Variants in SLC7A11 observed in about 807,000 individuals in gnomAD.
The protein encoded by SLC7A11 is solute carrier family 7 member 11.
In SLC7A11, 35 loss-of-function variants were observed where a neutral mutation model predicts 54.5. The ratio of observed to expected loss-of-function variants is 0.64; its 90% CI spans 0.49 to 0.85. SLC7A11 has a LOEUF of 0.85. SLC7A11 is among the 40% of genes least tolerant of loss of function. The pLI, the probability that SLC7A11 is intolerant of heterozygous loss-of-function variation, is 0.00. For missense variants in SLC7A11, 583 were observed against 618.1 expected (o/e 0.94, Z 0.60); for synonymous variants, 230 against 225.2 (o/e 1.02, Z -0.19).
At position 138,164,118 on chromosome 4, in the gene SLC7A11, T is replaced by C. The variant is rs1385650944; in HGVS notation, c.*7838A>G. Reference sequence around the variant, plus strand: ...TTTATTATGTAAACTATCAAATGTTTATTTAAATTTCCATTTAAAATATTT... The same window carrying C: ...TTTATTATGTAAACTATCAAATGTTCATTTAAATTTCCATTTAAAATATTT... On this transcript the variant is annotated 3_prime_UTR_variant, in exon 12 of 12. Coordinates refer to ENST00000280612, the MANE Select transcript of SLC7A11 (RefSeq NM_014331.4). 2.0e-5 allele frequency: 3 copies of C among 152,614 alleles called. No individual in the cohort carries two copies. In the East Asian group the frequency reaches 5.8e-4, roughly 29 times the overall value. 9.5% of individuals were successfully genotyped at this position (152,614 alleles called of 1,614,324 possible).
intron 5 of SLC7A11, among the ~76,000 whole-genome samples, chr4:138,215,229 T>C (rs1490266063): frequency 6.6e-6 from 1 of 152,088 alleles, no homozygotes; most frequent in African/African-American, 2.4e-5. Context: ...GCTTAGAAAA[T>C]TTTTGTGAAA....
intron 11 of SLC7A11, 78 bp from the exon 12 acceptor site, chr4:138,172,095 G>T: frequency 7.0e-7 from 1 of 1,432,198 alleles, no homozygotes; most frequent in South Asian, 1.4e-5. Context: ...GAATTATTTT[G>T]GGTTGAATAC....
At chr4:138,177,428 TCTCTCTCTCTCC>T (rs1163944234) in intron 11 of SLC7A11, 1 of 151,554 alleles carries the variant, frequency 6.6e-6, no homozygotes, top group African/African-American at 2.4e-5. Context: ...TCTCTCTCTG[TCTCTCTCTCTCC>T]CTCTCTCTCT....
chr4:138,205,176 G>T (rs1560728768), intron 6 of SLC7A11, among the ~76,000 whole-genome samples: 1 of 151,862 alleles, frequency 6.6e-6, no homozygotes, highest in Non-Finnish European at 1.5e-5. Flanking sequence ...GTCTCTCCAA[G>T]GTCAAACAGC....
intron 6 of SLC7A11, among the ~76,000 whole-genome samples, chr4:138,195,999 G>C (rs964684948): frequency 2.0e-5 from 3 of 151,806 alleles, no homozygotes; most frequent in East Asian, 1.9e-4. Context: ...CTTAAAGAAG[G>C]CTTAAAAAAA....
chr4:138,235,074 C>CAAA (rs1738173554), intron 2 of SLC7A11, among the ~76,000 whole-genome samples: 1 of 151,940 alleles, frequency 6.6e-6, no homozygotes, highest in African/African-American at 2.4e-5. Flanking sequence ...ATATAGACAC[C>CAAA]TAAAATATTA....
intron 6 of SLC7A11, among the ~76,000 whole-genome samples, chr4:138,197,996 G>T (rs1312382490): frequency 2.0e-5 from 3 of 150,214 alleles, no homozygotes; most frequent in African/African-American, 7.3e-5. Flanking sequence ...TATAATGTAA[G>T]TATCATAAAC....
At chr4:138,192,656 A>T (rs953978538) in intron 6 of SLC7A11, among the ~76,000 whole-genome samples, 1 of 152,116 alleles carries the variant, frequency 6.6e-6, no homozygotes, top group Non-Finnish European at 1.5e-5. Context: ...TGTATAGTAT[A>T]TTATTTATGA....
At position 138,170,233 on chromosome 4, in the gene SLC7A11, AGTGTGT is replaced by A. The variant is rs1285231800; in HGVS notation, c.*1717_*1722del. On this transcript the variant is annotated 3_prime_UTR_variant, in exon 12 of 12. Transcript: ENST00000280612. ...TATATATATATATATATATATAAAAAGTGTGTGTGTGTGTGTGTATATATATATATA... is the reference window on the plus strand; with the variant it reads ...TATATATATATATATATATATAAAAAGTGTGTGTGTGTATATATATATATA... 66 of 98,638 alleles carry A rather than the reference AGTGTGT, an allele frequency of 6.7e-4. 1 individual carries two copies. Among genetic ancestry groups the A allele is most frequent in the African/African-American group, 2.4e-3 (64 of 26,544 alleles). 6.1% of individuals were successfully genotyped at this position (98,638 alleles called of 1,614,324 possible).
chr4:138,207,080 A>G (rs1737428471), intron 6 of SLC7A11, among the ~76,000 whole-genome samples: 1 of 150,442 alleles, frequency 6.6e-6, no homozygotes, highest in Admixed American at 6.7e-5. Flanking sequence ...GTCACATTTT[A>G]AGATAATTCT....
rs1248972727 is a variant in SLC7A11 at position 138,168,585 on chromosome 4, A to G, written c.*3371T>C. ...CCCTCTATTGATATGTCAAATTGTA[A>G]TTGGGGAAACAATTTTACCAGACAC... On this transcript the variant is annotated 3_prime_UTR_variant, in exon 12 of 12. Coordinates refer to ENST00000280612, the MANE Select transcript of SLC7A11 (RefSeq NM_014331.4). The G allele has an allele frequency of 6.6e-6, 1 of 152,200 alleles. No homozygotes were observed. The highest frequency in any genetic ancestry group is 1.5e-5 in the Non-Finnish European group (1 of 68,028). 9.4% of individuals were successfully genotyped at this position (152,200 alleles called of 1,614,324 possible). A position where few individuals can be genotyped will look rare whatever the true frequency, so the allele number is the denominator to read the frequency against.
chr4:138,192,542 T>C (rs1254313730), intron 6 of SLC7A11, among the ~76,000 whole-genome samples: 1 of 151,670 alleles, frequency 6.6e-6, no homozygotes, highest in Non-Finnish European at 1.5e-5. Flanking sequence ...CAGCTAGCAT[T>C]ATTCTAACTA....
rs1349068707 is a variant in SLC7A11 at position 138,185,163 on chromosome 4, G to A, written c.873C>T (p.Thr291=). 1 of 1,612,942 alleles carries A rather than the reference G, an allele frequency of 6.2e-7. No individual in the cohort carries two copies. The highest frequency in any genetic ancestry group is 8.5e-7 in the Non-Finnish European group (1 of 1,179,246). ...YVLTNVAYFT[T]INAEELLLSN... is the part of the protein sequence containing the mutation. ...AAAGCAGCAGCTCCTCAGCATTAAT[G>A]GTCGTAAAGTAGGCCACATTTGTCA... Residue 291 remains threonine, a synonymous_variant, in exon 7 of 12, where the codon ACC becomes ACT. Transcript: ENST00000280612.
At chr4:138,177,466 C>CCT (rs375163048) in intron 11 of SLC7A11, 98 of 147,080 alleles carry the variant, frequency 6.7e-4, no homozygotes, top group South Asian at 1.9e-3. Context: ...TCTCTCTTTC[C>CCT]CTCTCTCTCT....
intron 6 of SLC7A11, among the ~76,000 whole-genome samples, chr4:138,213,574 T>C (rs1737607130): frequency 6.7e-6 from 1 of 149,898 alleles, no homozygotes; most frequent in Non-Finnish European, 1.5e-5. Flanking sequence ...CCCATACCCC[T>C]CTTCTCTCTC....
chr4:138,202,869 T>C (rs1195821958), intron 6 of SLC7A11, among the ~76,000 whole-genome samples: 1 of 152,176 alleles, frequency 6.6e-6, no homozygotes, highest in Non-Finnish European at 1.5e-5. Context: ...ATGCTCACTG[T>C]GCCTGGAAGT....
chr4:138,229,419 C>G (rs1415502514), intron 3 of SLC7A11, among the ~76,000 whole-genome samples: 1 of 152,210 alleles, frequency 6.6e-6, no homozygotes, highest in Non-Finnish European at 1.5e-5. Context: ...ATCCAGTTTG[C>G]TTTTTAACTG....
At chr4:138,199,365 ATACT>A (rs760340149) in intron 6 of SLC7A11, among the ~76,000 whole-genome samples, 10 of 152,154 alleles carry the variant, frequency 6.6e-5, no homozygotes, top group East Asian at 1.9e-4. Context: ...GTTACTGAAA[ATACT>A]TACCACAATC....
chr4:138,213,340 T>G (rs1029806846), intron 6 of SLC7A11, among the ~76,000 whole-genome samples: 1 of 152,078 alleles, frequency 6.6e-6, no homozygotes, highest in Admixed American at 6.6e-5. Flanking sequence ...CCGACATTCC[T>G]GGTACTTGGC....
Sources: gnomAD v4.1 joint callset for allele counts (sites outside exome capture counted in the v4.1 genomes callset) on GRCh38, gnomAD v4.1.1 for gene constraint, MANE v1.5 for transcripts, NCBI Gene and HGNC (gene_info 2026-07-23, HGNC 2026-07-21) for gene names.